Variants in FRMPD4 observed in about 807,000 individuals in gnomAD.
FRMPD4 encodes the protein FERM and PDZ domain containing 4.
Under a neutral mutation model 94.1 loss-of-function variants are expected in FRMPD4, and 22 were observed. The observed-to-expected ratio is 0.23, with a 90% CI of 0.17 to 0.33. The LOEUF (loss-of-function observed/expected upper bound fraction) is 0.33. Ranked by LOEUF, FRMPD4 falls within the 10% of genes least tolerant of loss-of-function variation. The pLI, the probability that FRMPD4 is intolerant of heterozygous loss-of-function variation, is 1.00. For missense variants in FRMPD4, 1,111 were observed against 1,339.9 expected (o/e 0.83, Z 2.67); for synonymous variants, 631 against 548.6 (o/e 1.15, Z -2.10).
rs188089377 is a variant in FRMPD4, at chrX:12,545,724, C to T, written c.158+46928C>T. On this transcript the variant is annotated intron_variant, in intron 2 of 16. Transcript: ENST00000675598. The stretch of plus-strand genomic sequence containing the variant: ...GAAAGAGCCAGAAAATGATGTTTAA[C>T]GGTAAACTGCAAGAAGACAGGCAGG... 3.8e-3 allele frequency among the ~76,000 whole-genome samples: 423 copies of T among 112,460 alleles called. 2 individuals are homozygous for T. Among genetic ancestry groups the T allele is most frequent in the Non-Finnish European group, 7.0e-3 (371 of 53,271 alleles).
chrX:11,994,535 G>C (rs1434201268), intron 3 of FRMPD4, among the ~76,000 whole-genome samples: 1 of 111,091 alleles, frequency 9.0e-6, no homozygotes, highest in African/African-American at 3.3e-5. Context: ...GAGTGCGTTT[G>C]AGAGTCGAAG....
chrX:12,041,928 G>T lies in FRMPD4; in HGVS notation c.95+163910G>T, dbSNP rs1257164681. Among the ~76,000 whole-genome samples, 5 of 111,343 alleles carry T rather than the reference G, an allele frequency of 4.5e-5. No individual in the cohort carries two copies. The Admixed American group carries it at 4.8e-4, about 11-fold the overall frequency. On this transcript the variant is annotated intron_variant, in intron 3 of 18. Transcript: ENST00000640291. Reference sequence around the variant, plus strand: ...TCAAATCTTCTGTTGAATTAATCTTGTGAATTTTGCATTTTGCTTATTGGA... The same window carrying T: ...TCAAATCTTCTGTTGAATTAATCTTTTGAATTTTGCATTTTGCTTATTGGA...
chrX:12,652,668 G>A (rs2059607239), intron 4 of FRMPD4, among the ~76,000 whole-genome samples: 1 of 112,071 alleles, frequency 8.9e-6, no homozygotes, highest in South Asian at 3.7e-4. Context: ...TCTTTCTCAT[G>A]CATCTGCAAA....
At chrX:12,560,000 T>C (rs766474008) in intron 2 of FRMPD4, among the ~76,000 whole-genome samples, 2 of 84,866 alleles carry the variant, frequency 2.4e-5, no homozygotes, top group African/African-American at 4.8e-5. Context: ...TACATTCAGA[T>C]AGATGATTTA....
intron 4 of FRMPD4, among the ~76,000 whole-genome samples, chrX:12,620,368 G>C (rs1301885943): frequency 8.9e-6 from 1 of 112,135 alleles, no homozygotes; most frequent in East Asian, 2.8e-4. Context: ...TCTTGATCTT[G>C]ACTGTGGACC....
At chrX:12,542,485 T>C (rs912474896) in intron 2 of FRMPD4, among the ~76,000 whole-genome samples, 2 of 112,029 alleles carry the variant, frequency 1.8e-5, no homozygotes, top group Non-Finnish European at 3.8e-5. Context: ...CCATTCACAA[T>C]TGCTTCAAAG....
intron 4 of FRMPD4, among the ~76,000 whole-genome samples, chrX:12,621,968 GAGAAAGAA>G (rs1171799513): frequency 0.011 from 462 of 41,030 alleles, 10 homozygotes; most frequent in East Asian, 0.014. Flanking sequence ...AAGAAAGAAA[GAGAAAGAA>G]AGAAAGAAAG....
chrX:12,369,056 A>ACTCT (rs749422102), intron 1 of FRMPD4, among the ~76,000 whole-genome samples: 2 of 102,934 alleles, frequency 1.9e-5, no homozygotes. Flanking sequence ...ATCTTTAGCT[A>ACTCT]CTCTCTCTCT....
intron 1 of FRMPD4, among the ~76,000 whole-genome samples, chrX:12,243,467 G>A (rs1027429215): frequency 8.9e-6 from 1 of 112,007 alleles, no homozygotes; most frequent in African/African-American, 3.2e-5. Context: ...AATTAATCAT[G>A]GCAGGTTTTC....
At chrX:12,344,782 C>G (rs2055674607) in intron 1 of FRMPD4, among the ~76,000 whole-genome samples, 1 of 111,509 alleles carries the variant, frequency 9.0e-6, no homozygotes, top group South Asian at 3.7e-4. Flanking sequence ...GTTTTTGCAG[C>G]CTTCAGTAGA....
chrX:12,304,420 G>A (rs1356024144), intron 1 of FRMPD4, among the ~76,000 whole-genome samples: 1 of 110,988 alleles, frequency 9.0e-6, no homozygotes, highest in Non-Finnish European at 1.9e-5. Context: ...CACACTAGAT[G>A]CTAGTTTCCT....
chrX:11,883,102 A>G (rs976718709), intron 3 of FRMPD4, among the ~76,000 whole-genome samples: 2 of 112,120 alleles, frequency 1.8e-5, no homozygotes, highest in Non-Finnish European at 3.8e-5. Context: ...CCCAGCCTTT[A>G]CAGAGCTGAT....
intron 4 of FRMPD4, among the ~76,000 whole-genome samples, chrX:12,665,978 G>C (rs1348380468): frequency 9.0e-6 from 1 of 110,960 alleles, no homozygotes; most frequent in African/African-American, 3.3e-5. Context: ...ACACAGACTG[G>C]CGAATTGGAT....
At chrX:11,951,249 C>A (rs938632442) in intron 3 of FRMPD4, among the ~76,000 whole-genome samples, 3 of 110,554 alleles carry the variant, frequency 2.7e-5, no homozygotes, top group African/African-American at 9.9e-5. Flanking sequence ...TGGTTACATA[C>A]CCCCCAAAAA....
chrX:11,877,488 A>C (rs1213491402), intron 2 of FRMPD4, among the ~76,000 whole-genome samples: 1 of 111,453 alleles, frequency 9.0e-6, no homozygotes, highest in Non-Finnish European at 1.9e-5. Flanking sequence ...GTTTGATATC[A>C]CTTTGATTCT....
At chrX:12,282,356 C>A (rs1190721490) in intron 1 of FRMPD4, among the ~76,000 whole-genome samples, 1 of 112,380 alleles carries the variant, frequency 8.9e-6, no homozygotes, top group Non-Finnish European at 1.9e-5. Context: ...ACTTTTAATT[C>A]TTTTAAATAC....
intron 3 of FRMPD4, among the ~76,000 whole-genome samples, chrX:12,126,259 T>G (rs1177100890): frequency 8.9e-6 from 1 of 112,063 alleles, no homozygotes; most frequent in Non-Finnish European, 1.9e-5. Context: ...GAAGGACATC[T>G]GTCTGCCGAT....
chrX:12,046,691 A>T (rs1364721633), intron 3 of FRMPD4, among the ~76,000 whole-genome samples: 2 of 112,184 alleles, frequency 1.8e-5, no homozygotes, highest in African/African-American at 6.5e-5. Context: ...AGGGTGAGGG[A>T]TGGGGGAAGG....
intron 1 of FRMPD4, among the ~76,000 whole-genome samples, chrX:12,474,402 C>T (rs1015512745): frequency 9.0e-6 from 1 of 110,687 alleles, no homozygotes; most frequent in Non-Finnish European, 1.9e-5. Flanking sequence ...TTAAAAGAAC[C>T]AGAGAAGCAA....
Sources: gnomAD v4.1 joint callset for allele counts (sites outside exome capture counted in the v4.1 genomes callset) on GRCh38, gnomAD v4.1.1 for gene constraint, MANE v1.5 for transcripts, NCBI Gene and HGNC (gene_info 2026-07-23, HGNC 2026-07-21) for gene names.